The following MMEL1 variants were observed in gnomAD, a reference collection of about 807,000 sequenced individuals.
MMEL1 encodes the protein membrane metalloendopeptidase like 1, also known as membrane metallo-endopeptidase-like 1.
MMEL1 carries 98 observed loss-of-function variants against 117.1 expected under a neutral mutation model. The ratio of observed to expected loss-of-function variants is 0.84; its 90% CI spans 0.71 to 0.99. The LOEUF is 0.99. Ranked by LOEUF, MMEL1 falls within the 50% of genes least tolerant of loss-of-function variation. The pLI, the probability that MMEL1 is intolerant of heterozygous loss-of-function variation, is 0.00. For synonymous variants in MMEL1, 390 were observed against 415.1 expected, an observed-to-expected ratio of 0.94 and a Z score of 0.74; for missense variants, 1,014 against 1,049.1, an observed-to-expected ratio of 0.97 and a Z score of 0.46.
chr1:2,592,907 G>T lies in MMEL1; in HGVS notation c.1927C>A (p.His643Asn), dbSNP rs1424181670. ...MDWWSNFSTQHFREQSECMIY... is the reference protein window; with the variant it reads ...MDWWSNFSTQNFREQSECMIY... ...ATGCACTCTGACTGCTCCCGGAAGT[G>T]CTGGGTGGAGAAGTTACTCCACCAA... is the stretch of plus-strand genomic sequence containing the variant. Residue 643 changes from histidine to asparagine, a missense_variant, in exon 20 of 24, where the codon CAC (histidine) becomes AAC (asparagine). Physicochemically the swap from His to Asn is moderately conservative, Grantham distance 68. Coordinates refer to ENST00000378412, the MANE Select transcript of MMEL1 (RefSeq NM_033467.4). 2 of 1,613,806 alleles carry T rather than the reference G, an allele frequency of 1.2e-6. No individual in the cohort carries two copies. Among genetic ancestry groups the T allele is most frequent in the Non-Finnish European group, 1.7e-6 (2 of 1,179,958 alleles).
At chr1:2,622,718 C>G (rs1406791802) in intron 2 of MMEL1, among the ~76,000 whole-genome samples, 2 of 152,018 alleles carry the variant, frequency 1.3e-5, no homozygotes, top group East Asian at 3.9e-4. Context: ...AATCCCATCT[C>G]TACTAAAAAT....
chr1:2,615,998 A>G (rs562905050), intron 2 of MMEL1, among the ~76,000 whole-genome samples: 1 of 152,330 alleles, frequency 6.6e-6, no homozygotes, highest in East Asian at 1.9e-4. Flanking sequence ...GGAGGACTAA[A>G]GATAAAGAGA....
intron 7 of MMEL1, 22 bp from the exon 8 acceptor site, chr1:2,606,388 C>T (rs1444892912): frequency 2.5e-6 from 4 of 1,594,648 alleles, no homozygotes; most frequent in Non-Finnish European, 3.4e-6. Flanking sequence ...GTGCCCCGCA[C>T]TGGAGACTGG....
chr1:2,592,221 C>T (rs1557515942), intron 21 of MMEL1, among the ~76,000 whole-genome samples, 194 bp from the exon 22 acceptor site: 1 of 107,728 alleles, frequency 9.3e-6, no homozygotes, highest in Non-Finnish European at 1.9e-5. Context: ...GCTGGGCCCT[C>T]GGGGGGGGAT....
intron 1 of MMEL1, among the ~76,000 whole-genome samples, chr1:2,632,240 C>T (rs1638626308): frequency 6.6e-6 from 1 of 152,218 alleles, no homozygotes; most frequent in African/African-American, 2.4e-5. Context: ...CCAGCTCCAC[C>T]TCCACATCTC....
chr1:2,593,028 G>A, intron 19 of MMEL1, 62 bp from the exon 20 acceptor site: 1 of 1,584,608 alleles, frequency 6.3e-7, no homozygotes, highest in Non-Finnish European at 8.6e-7. Flanking sequence ...TGGCCCCACG[G>A]CAGCCACTGT....
intron 2 of MMEL1, among the ~76,000 whole-genome samples, chr1:2,614,353 C>A (rs916099864): frequency 6.6e-6 from 1 of 152,144 alleles, no homozygotes; most frequent in Non-Finnish European, 1.5e-5. Context: ...AAGCGCTGTA[C>A]TCTAGTTGAT....
intron 1 of MMEL1, among the ~76,000 whole-genome samples, chr1:2,631,809 A>G (rs1638600730): frequency 6.6e-6 from 1 of 152,030 alleles, no homozygotes; most frequent in Admixed American, 6.5e-5. Flanking sequence ...CTCAGCCTCC[A>G]AGCCCATCTC....
Position 2,590,905 on chromosome 1 carries a change from C to T in MMEL1, c.*85G>A, listed in dbSNP as rs1557511415. 2.3e-5 allele frequency: 26 copies of T among 1,114,370 alleles called. No individual in the cohort carries two copies. Among genetic ancestry groups the T allele is most frequent in the South Asian group, 4.7e-5 (2 of 42,874 alleles). The allele number at this position is 1,114,370 out of a possible 1,614,324, so 69.0% of individuals were successfully genotyped here. On this transcript the variant is annotated 3_prime_UTR_variant, in exon 24 of 24. Transcript: ENST00000378412. ...GCATGGTTGGCCGGGGCGGGACGTA[C>T]ACTGGGTCGCCGCTAGCTGCACCTT...
chr1:2,610,541 TCTGCCCC>T (rs2100948673), intron 4 of MMEL1, among the ~76,000 whole-genome samples: 1 of 152,350 alleles, frequency 6.6e-6, no homozygotes, highest in East Asian at 1.9e-4. Flanking sequence ...CTGTTCTGAC[TCTGCCCC>T]CTGCCCCCTC....
intron 6 of MMEL1, among the ~76,000 whole-genome samples, chr1:2,608,490 C>T (rs944336716): frequency 2.0e-5 from 3 of 150,260 alleles, no homozygotes; most frequent in African/African-American, 7.4e-5. Context: ...ACAGCACACA[C>T]ATAACATGTA....
intron 14 of MMEL1, 152 bp from the exon 15 acceptor site, chr1:2,596,259 G>C (rs1208177310): frequency 5.2e-6 from 4 of 768,404 alleles, no homozygotes; most frequent in Non-Finnish European, 8.6e-6. Flanking sequence ...TGGGGCCGGT[G>C]GGGGGATGAG....
In MMEL1 at chr1:2,596,109, T is replaced by C; in HGVS notation, c.1402-2A>G. 6.2e-7 allele frequency: 1 copy of C among 1,613,206 alleles called. No individual in the cohort carries two copies. The highest frequency in any genetic ancestry group is 8.5e-7 in the Non-Finnish European group (1 of 1,179,236). ...CACCTTGTCAATGAGTTCTCTGACC[T>C]GGGAATCGGGCATGGCCCTCGTGTC... is the stretch of plus-strand genomic sequence containing the variant. On this transcript the variant is annotated splice_acceptor_variant, in intron 14 of 23. Transcript: ENST00000378412. LOFTEE classifies it high-confidence loss of function.
At chr1:2,631,734 A>G (rs1473938197) in intron 1 of MMEL1, among the ~76,000 whole-genome samples, 1 of 151,886 alleles carries the variant, frequency 6.6e-6, no homozygotes, top group Non-Finnish European at 1.5e-5. Context: ...CTATCCCGCC[A>G]CTGGCTGAAG....
At chr1:2,623,066 G>T (rs1381283018) in intron 2 of MMEL1, among the ~76,000 whole-genome samples, 1 of 151,890 alleles carries the variant, frequency 6.6e-6, no homozygotes, top group East Asian at 1.9e-4. Context: ...CTACTCAGGA[G>T]GCTGAGGCAG....
At chr1:2,620,657 G>A (rs1645275626) in intron 2 of MMEL1, among the ~76,000 whole-genome samples, 1 of 152,120 alleles carries the variant, frequency 6.6e-6, no homozygotes, top group African/African-American at 2.4e-5. Flanking sequence ...GCCCTCATAA[G>A]AGGGGGAAGA....
intron 1 of MMEL1, among the ~76,000 whole-genome samples, chr1:2,630,391 C>T (rs1335855499): frequency 6.6e-6 from 1 of 152,108 alleles, no homozygotes; most frequent in African/African-American, 2.4e-5. Context: ...TGATCGTGTA[C>T]ACACACGTGT....
rs1316540096 is a variant in MMEL1, at chr1:2,595,862, C to T, written c.1500+147G>A. The T allele has an allele frequency of 4.7e-6, 3 of 637,094 alleles. No homozygotes were observed. The African/African-American group carries it at 5.5e-5, about 12-fold the overall frequency. 39.5% of individuals were successfully genotyped at this position (637,094 alleles called of 1,614,324 possible). A position where few individuals can be genotyped will look rare whatever the true frequency, so the allele number is the denominator to read the frequency against. On this transcript the variant is annotated intron_variant, in intron 15 of 23. Coordinates refer to ENST00000378412, the MANE Select transcript of MMEL1 (RefSeq NM_033467.4). The surrounding 1 kb of genome is among the most constrained non-coding windows in gnomAD (Gnocchi z 4.8). ...TCCCCGTGGGGTCCTGTCTGCGCCT[C>T]CCGGGGCTGCCTTCTCCCCGTGGGG...
At chr1:2,628,226 T>C (rs1638360915) in intron 2 of MMEL1, among the ~76,000 whole-genome samples, 2 of 152,050 alleles carry the variant, frequency 1.3e-5, no homozygotes, top group Non-Finnish European at 2.9e-5. Flanking sequence ...GGGGAGACCC[T>C]AGAGGGCCAG....
Sources: allele counts gnomAD v4.1 joint callset (sites outside exome capture counted in the v4.1 genomes callset), GRCh38; gene constraint gnomAD v4.1.1; non-coding constraint Gnocchi (gnomAD v3.1); transcripts MANE v1.5; gene names NCBI Gene and HGNC (gene_info 2026-07-23, HGNC 2026-07-21).